The following LGSN variants were observed in gnomAD, a reference collection of about 807,000 sequenced individuals.
LGSN encodes lengsin.
Under a neutral mutation model 19.5 loss-of-function variants are expected in LGSN, and 21 were observed. The ratio of observed to expected loss-of-function variants is 1.07; its 90% CI spans 0.76 to 1.55. The LOEUF (loss-of-function observed/expected upper bound fraction) is 1.55, where lower values mean the gene tolerates loss of function less well. LGSN is among the 40% of genes most tolerant of loss of function. The pLI is 0.00. For missense variants in LGSN, 673 were observed against 608.5 expected, an observed-to-expected ratio of 1.11 and a Z score of -1.12; for synonymous variants, 257 against 215.6, an observed-to-expected ratio of 1.19 and a Z score of -1.68.
chr6:63,441,953 G>C, the LGSN span: 1 of 214,210 alleles, frequency 4.7e-6, no homozygotes, highest in Non-Finnish European at 9.2e-6. Flanking sequence ...CGCGGTGAGT[G>C]TTACAGTTCT....
the LGSN span, among the ~76,000 whole-genome samples, chr6:63,330,422 G>A: frequency 2.0e-5 from 3 of 152,150 alleles, no homozygotes; most frequent in Non-Finnish European, 4.4e-5. Context: ...TCTAGATTTT[G>A]TTCAAGGCTC....
chr6:63,573,589 C>T, the LGSN span: 5 of 152,422 alleles, frequency 3.3e-5, no homozygotes, highest in South Asian at 1.0e-3. Context: ...GCACCCCTGC[C>T]CGGGCCAGAG....
the LGSN span, among the ~76,000 whole-genome samples, chr6:63,357,153 A>C: frequency 6.6e-6 from 1 of 152,104 alleles, no homozygotes; most frequent in African/African-American, 2.4e-5. Flanking sequence ...CCTGCAAAGG[A>C]CATGAACTCA....
the LGSN span, among the ~76,000 whole-genome samples, chr6:63,475,390 AAGATAT>A: frequency 6.6e-6 from 1 of 152,010 alleles, no homozygotes; most frequent in Non-Finnish European, 1.5e-5. Context: ...TTGACATCCA[AAGATAT>A]CATACCAACC....
At chr6:63,351,197 T>C in the LGSN span, among the ~76,000 whole-genome samples, 11 of 152,140 alleles carry the variant, frequency 7.2e-5, no homozygotes, top group African/African-American at 2.4e-4. Context: ...AAGCAGACCC[T>C]CACCAGACAC....
chr6:63,535,711 AT>A, the LGSN span, among the ~76,000 whole-genome samples: 1 of 152,186 alleles, frequency 6.6e-6, no homozygotes, highest in Admixed American at 6.5e-5. Context: ...AGTCACAAGG[AT>A]TGTGCCTTTG....
At chr6:63,285,958 A>T (rs955573314) in intron 2 of LGSN, among the ~76,000 whole-genome samples, 10 of 152,144 alleles carry the variant, frequency 6.6e-5, no homozygotes, top group African/African-American at 2.2e-4. Context: ...AACCTGAGAG[A>T]TCATTTATCA....
the LGSN span, chr6:63,441,848 G>T: frequency 6.7e-6 from 2 of 296,388 alleles, no homozygotes; most frequent in Non-Finnish European, 1.3e-5. Context: ...GGCGCTGGTT[G>T]CTTGTCAGGT....
the LGSN span, among the ~76,000 whole-genome samples, chr6:63,422,578 C>A: frequency 6.6e-6 from 1 of 152,012 alleles, no homozygotes; most frequent in Non-Finnish European, 1.5e-5. Flanking sequence ...TAGGAGTAAA[C>A]AATTTGCATG....
At chr6:63,548,734 G>A in the LGSN span, 11 of 666,248 alleles carry the variant, frequency 1.7e-5, no homozygotes, top group East Asian at 2.8e-4. Flanking sequence ...GCAAGTTCTT[G>A]AGCCTTTGCC....
the LGSN span, among the ~76,000 whole-genome samples, chr6:63,434,705 G>A: frequency 1.3e-5 from 2 of 151,760 alleles, no homozygotes; most frequent in African/African-American, 4.8e-5. Flanking sequence ...AGCTGGAGCA[G>A]TAAATACCCA....
At chr6:63,290,385 T>A (rs1767720146) in intron 2 of LGSN, among the ~76,000 whole-genome samples, 1 of 152,226 alleles carries the variant, frequency 6.6e-6, no homozygotes, top group Non-Finnish European at 1.5e-5. Flanking sequence ...CCTCTCTCTT[T>A]TGTAGCTAAA....
At chr6:63,468,537 G>T in the LGSN span, among the ~76,000 whole-genome samples, 4 of 151,370 alleles carry the variant, frequency 2.6e-5, no homozygotes, top group Non-Finnish European at 4.4e-5. Flanking sequence ...AAGCGATTCT[G>T]TTGCCTCAGC....
At chr6:63,303,598 T>C (rs1768269621) in intron 1 of LGSN, among the ~76,000 whole-genome samples, 1 of 152,238 alleles carries the variant, frequency 6.6e-6, no homozygotes, top group Non-Finnish European at 1.5e-5. Flanking sequence ...TAGAACCTTA[T>C]GTATCTTCTG....
chr6:63,381,772 G>C, the LGSN span, among the ~76,000 whole-genome samples: 1 of 152,164 alleles, frequency 6.6e-6, no homozygotes, highest in Non-Finnish European at 1.5e-5. Flanking sequence ...ATCTTGTCCA[G>C]CTCCAGACAC....
the LGSN span, among the ~76,000 whole-genome samples, chr6:63,552,963 A>C: frequency 6.6e-6 from 1 of 152,066 alleles, no homozygotes; most frequent in Non-Finnish European, 1.5e-5. Context: ...TATTTTTAAC[A>C]TTGTTTTATG....
chr6:63,444,662 T>C, the LGSN span, among the ~76,000 whole-genome samples: 6 of 152,226 alleles, frequency 3.9e-5, no homozygotes, highest in Non-Finnish European at 8.8e-5. Flanking sequence ...CAGGACTTTA[T>C]GAATTTTTCT....
At chr6:63,303,935 G>T (rs1768278082) in intron 1 of LGSN, among the ~76,000 whole-genome samples, 1 of 152,174 alleles carries the variant, frequency 6.6e-6, no homozygotes, top group African/African-American at 2.4e-5. Context: ...CCTAGACATA[G>T]AAAGCTTTCC....
the LGSN span, chr6:63,572,755 G>A: frequency 2.5e-6 from 1 of 398,468 alleles, no homozygotes; most frequent in Non-Finnish European, 4.4e-6. Context: ...CTCGGGCTGG[G>A]AATCCACGAC....
Sources: allele counts gnomAD v4.1 joint callset (sites outside exome capture counted in the v4.1 genomes callset), GRCh38; gene constraint gnomAD v4.1.1; transcripts MANE v1.5; gene names NCBI Gene and HGNC (gene_info 2026-07-23, HGNC 2026-07-21).